The following BCHE variants were observed in gnomAD, a reference collection of about 807,000 sequenced individuals.
The protein encoded by BCHE is cholinesterase.
BCHE carries 48 observed loss-of-function variants against 51.3 expected under a neutral mutation model. The observed-to-expected ratio is 0.94, with a 90% CI of 0.74 to 1.19. The LOEUF is 1.19. BCHE is among the 50% of genes most tolerant of loss of function. The probability of loss-of-function intolerance (pLI) is 0.00; values close to 1 mark genes in which losing one functional copy is unlikely to be tolerated. For synonymous variants in BCHE, 251 were observed against 238.0 expected (o/e 1.05, Z -0.50); for missense variants, 847 against 708.2 (o/e 1.20, Z -2.23).
chr3:165,785,063 G>C (rs1265530809), intron 3 of BCHE, among the ~76,000 whole-genome samples: 3 of 151,660 alleles, frequency 2.0e-5, no homozygotes, highest in Non-Finnish European at 3.0e-5. Flanking sequence ...TTCCCAAGCA[G>C]ATGGAGTACA....
intron 3 of BCHE, among the ~76,000 whole-genome samples, chr3:165,779,087 C>T (rs769535361): frequency 6.6e-6 from 1 of 152,016 alleles, no homozygotes; most frequent in Non-Finnish European, 1.5e-5. Context: ...GGGATTATAC[C>T]AGCATTACTC....
chr3:165,807,349 T>C (rs1290307652), intron 2 of BCHE, among the ~76,000 whole-genome samples: 1 of 151,926 alleles, frequency 6.6e-6, no homozygotes, highest in Non-Finnish European at 1.5e-5. Flanking sequence ...CTTATTTGTC[T>C]AATAAATTTC....
At chr3:165,832,661 A>C (rs1404631777) in intron 1 of BCHE, among the ~76,000 whole-genome samples, 1 of 152,164 alleles carries the variant, frequency 6.6e-6, no homozygotes, top group Non-Finnish European at 1.5e-5. Flanking sequence ...TCACATAATA[A>C]TAACAAAGAT....
rs1287632520 is a variant in BCHE, at chr3:165,837,380, T to G, written c.-75A>C. On this transcript the variant is annotated 5_prime_UTR_variant, in exon 1 of 4. Coordinates refer to ENST00000264381, the MANE Select transcript of BCHE (RefSeq NM_000055.4). Reference sequence around the variant, plus strand: ...AAAATCATGTAATACTTCGGGGAAATGCAGGATGCAGCTGCTGCTCCAGCC... The same window carrying G: ...AAAATCATGTAATACTTCGGGGAAAGGCAGGATGCAGCTGCTGCTCCAGCC... 1.6e-6 allele frequency: 2 copies of G among 1,289,766 alleles called. No homozygotes were observed. The allele number at this position is 1,289,766 out of a possible 1,614,324, so 79.9% of individuals were successfully genotyped here. A position where few individuals can be genotyped will look rare whatever the true frequency, so the allele number is the denominator to read the frequency against.
At chr3:165,817,185 C>A (rs997085001) in intron 2 of BCHE, among the ~76,000 whole-genome samples, 4 of 151,954 alleles carry the variant, frequency 2.6e-5, no homozygotes, top group Non-Finnish European at 4.4e-5. Flanking sequence ...TATTCCACAT[C>A]CAATATCTCA....
rs1402488946 is a variant in BCHE, at chr3:165,830,925, T to G, written c.109A>C (p.Lys37Gln). The change falls in exon 2 of 4, where the codon AAG (lysine) becomes CAG (glutamine). Residue 37 changes from lysine (K) to glutamine (Q), a missense_variant. Coordinates refer to ENST00000264381, the MANE Select transcript of BCHE (RefSeq NM_000055.4). ...TTCATCCCTCTGACTTTTCCATTCT[T>G]TGTTGCAATTATGATGTCATCTTCA... is the stretch of plus-strand genomic sequence containing the variant. ...HTEDDIIIAT[K>Q]NGKVRGMNLT... is the part of the protein sequence containing the mutation. 4.3e-6 allele frequency: 7 copies of G among 1,613,802 alleles called. No individual in the cohort carries two copies. Among genetic ancestry groups the G allele is most frequent in the African/African-American group, 1.3e-5 (1 of 74,906 alleles).
At chr3:165,820,671 T>A (rs1047081511) in intron 2 of BCHE, among the ~76,000 whole-genome samples, 1 of 151,938 alleles carries the variant, frequency 6.6e-6, no homozygotes, top group Non-Finnish European at 1.5e-5. Context: ...ACGTGAACTA[T>A]TATCTGTCGG....
At chr3:165,798,405 C>T (rs1369410507) in intron 2 of BCHE, among the ~76,000 whole-genome samples, 2 of 152,056 alleles carry the variant, frequency 1.3e-5, no homozygotes, top group Admixed American at 6.6e-5. Context: ...CTTTAAAAAA[C>T]ATTTATTAGA....
chr3:165,800,300 C>A (rs1365177010), intron 2 of BCHE, among the ~76,000 whole-genome samples: 2 of 152,002 alleles, frequency 1.3e-5, no homozygotes, highest in African/African-American at 2.4e-5. Flanking sequence ...GAATATGTGT[C>A]ACAATCTGGA....
intron 2 of BCHE, among the ~76,000 whole-genome samples, chr3:165,800,139 CT>C (rs988056766): frequency 2.6e-5 from 4 of 151,934 alleles, no homozygotes; most frequent in Admixed American, 2.0e-4. Flanking sequence ...TACTTGAATA[CT>C]TTTTTTGAAT....
rs527475201 is a variant in BCHE, at chr3:165,827,368, GTAT to G, written c.1517+2146_1517+2148del. On this transcript the variant is annotated intron_variant, in intron 2 of 3. Transcript: ENST00000264381. ...AGCTTATGATCTCCATGACATATAT[GTAT>G]TATTATTATTAAAATGTCAATTTTT... is the stretch of plus-strand genomic sequence containing the variant. 3.4e-4 allele frequency among the ~76,000 whole-genome samples: 52 copies of G among 151,548 alleles called. No individual in the cohort carries two copies. In the South Asian group the frequency reaches 9.4e-3, roughly 27 times the overall value.
At chr3:165,794,004 G>A (rs191995029) in intron 2 of BCHE, among the ~76,000 whole-genome samples, 13 of 151,332 alleles carry the variant, frequency 8.6e-5, no homozygotes, top group Admixed American at 2.6e-4. Context: ...CCAAGATTGC[G>A]CCACTGCACT....
chr3:165,830,626 A>C lies in BCHE; in HGVS notation c.408T>G (p.Thr136=), dbSNP rs1372263117. 1.2e-6 allele frequency: 2 copies of C among 1,614,024 alleles called. No individual in the cohort carries two copies. Among genetic ancestry groups the C allele is most frequent in the African/African-American group, 2.7e-5 (2 of 75,046 alleles). ...WIPAPKPKNA[T]VLIWIYGGGF... ...CACCACCATAAATCCATATCAATAC[A>C]GTGGCATTTTTTGGTTTAGGTGCTG... is the stretch of plus-strand genomic sequence containing the variant. The change falls in exon 2 of 4, where the codon ACT becomes ACG. Residue 136 remains threonine, a synonymous_variant. Transcript: ENST00000264381.
chr3:165,791,586 A>C (rs1482332765), intron 2 of BCHE, among the ~76,000 whole-genome samples: 1 of 152,172 alleles, frequency 6.6e-6, no homozygotes, highest in African/African-American at 2.4e-5. Flanking sequence ...GGCCTGAGAA[A>C]CTGGAAGAAT....
chr3:165,797,841 T>A (rs1713478923), intron 2 of BCHE, among the ~76,000 whole-genome samples: 1 of 152,174 alleles, frequency 6.6e-6, no homozygotes, highest in African/African-American at 2.4e-5. Flanking sequence ...ATACAAATCT[T>A]AAAATAGCTT....
At chr3:165,826,170 A>G (rs1395930260) in intron 2 of BCHE, among the ~76,000 whole-genome samples, 1 of 152,174 alleles carries the variant, frequency 6.6e-6, no homozygotes, top group Non-Finnish European at 1.5e-5. Context: ...GAGAAAAAAA[A>G]CATCTTCTAC....
rs138456475 is a variant in BCHE, at chr3:165,774,481, G to A, written c.1685-975C>T. The stretch of plus-strand genomic sequence containing the variant: ...CCCGAGTAGCTGGGATTACAGGCGC[G>A]TGCACCACCATGTTTGGCTAATTTT... On this transcript the variant is annotated intron_variant, in intron 3 of 3. Transcript: ENST00000264381. Among the ~76,000 whole-genome samples, 458 of 151,892 alleles carry A rather than the reference G, an allele frequency of 3.0e-3. 1 individual carries two copies. Among genetic ancestry groups the A allele is most frequent in the Admixed American group, 5.2e-3 (80 of 15,242 alleles).
intron 2 of BCHE, among the ~76,000 whole-genome samples, chr3:165,804,211 T>C (rs1713784300): frequency 6.6e-6 from 1 of 152,006 alleles, no homozygotes; most frequent in Admixed American, 6.6e-5. Context: ...ATGAGAATAG[T>C]TGGAATGAGA....
intron 2 of BCHE, among the ~76,000 whole-genome samples, chr3:165,793,713 T>C (rs977587569): frequency 5.9e-5 from 9 of 152,198 alleles, no homozygotes; most frequent in Admixed American, 2.0e-4. Flanking sequence ...AGTAACTATT[T>C]GTTGTGGCAA....
Sources: gnomAD v4.1 joint callset for allele counts (sites outside exome capture counted in the v4.1 genomes callset) on GRCh38, gnomAD v4.1.1 for gene constraint, MANE v1.5 for transcripts, NCBI Gene and HGNC (gene_info 2026-07-23, HGNC 2026-07-21) for gene names.